Variants in ZFR observed in about 807,000 individuals in gnomAD.
The protein encoded by ZFR is zinc finger RNA binding protein.
Under a neutral mutation model 130.7 loss-of-function variants are expected in ZFR, and 19 were observed. The observed-to-expected ratio is 0.15, with a 90% CI of 0.10 to 0.21. ZFR has a LOEUF of 0.21. Ranked by LOEUF, ZFR falls within the 10% of genes least tolerant of loss-of-function variation. The pLI is 1.00. For missense variants in ZFR, 872 were observed against 1,321.5 expected, an observed-to-expected ratio of 0.66 and a Z score of 5.27; for synonymous variants, 466 against 456.9, an observed-to-expected ratio of 1.02 and a Z score of -0.25.
intron 5 of ZFR, among the ~76,000 whole-genome samples, chr5:32,410,141 C>G (rs1032895663): frequency 4.0e-5 from 6 of 151,758 alleles, no homozygotes; most frequent in Non-Finnish European, 7.4e-5. Flanking sequence ...CCCATCTCAA[C>G]TAAAAATACA....
chr5:32,376,617 G>GA (rs1377234747), intron 17 of ZFR, among the ~76,000 whole-genome samples: 214 of 134,412 alleles, frequency 1.6e-3, no homozygotes, highest in African/African-American at 3.4e-3. Flanking sequence ...CAAAAAAAAA[G>GA]AAAAAAAAAA....
intron 2 of ZFR, among the ~76,000 whole-genome samples, chr5:32,435,830 C>G (rs758277826): frequency 2.0e-5 from 3 of 152,074 alleles, no homozygotes; most frequent in Non-Finnish European, 2.9e-5. Flanking sequence ...TACTTTAAGC[C>G]CATGTGACCT....
chr5:32,363,846 G>C (rs902241386), intron 19 of ZFR, 102 bp downstream of exon 19: 1 of 959,786 alleles, frequency 1.0e-6, no homozygotes, highest in African/African-American at 1.7e-5. Context: ...GCAGAAGAAC[G>C]AATATTATAT....
At chr5:32,444,167 C>T in intron 2 of ZFR, 62 bp downstream of exon 2, 1 of 1,541,518 alleles carries the variant, frequency 6.5e-7, no homozygotes, top group Non-Finnish European at 8.7e-7. Context: ...GGCGTCGCAT[C>T]GACAGGATCC....
intron 11 of ZFR, among the ~76,000 whole-genome samples, chr5:32,391,259 A>C (rs1325550570): frequency 6.6e-6 from 1 of 152,190 alleles, no homozygotes; most frequent in Non-Finnish European, 1.5e-5. Flanking sequence ...TATCAGATGG[A>C]AAACATATAG....
At chr5:32,390,520 T>G in intron 11 of ZFR, 83 bp from the exon 12 acceptor site, 1 of 1,347,420 alleles carries the variant, frequency 7.4e-7, no homozygotes, top group Non-Finnish European at 9.9e-7. Context: ...TAAAAAGCAA[T>G]AAAAAACCCC....
intron 7 of ZFR, among the ~76,000 whole-genome samples, 163 bp from the exon 8 acceptor site, chr5:32,403,560 A>C (rs1753515642): frequency 6.6e-6 from 1 of 152,182 alleles, no homozygotes; most frequent in Non-Finnish European, 1.5e-5. Context: ...CATTACTTTC[A>C]AGATAATCTC....
chr5:32,434,650 G>A (rs1754295677), intron 2 of ZFR, among the ~76,000 whole-genome samples: 1 of 152,158 alleles, frequency 6.6e-6, no homozygotes, highest in Non-Finnish European at 1.5e-5. Flanking sequence ...GGGAATACGT[G>A]ATAGAGGAAA....
At chr5:32,368,238 CT>C (rs1398688284) in intron 17 of ZFR, among the ~76,000 whole-genome samples, 25 of 1,166 alleles carry the variant, frequency 0.021, no homozygotes, top group African/African-American at 0.038. Flanking sequence ...TGCATCAAAA[CT>C]TTTTTCCCCC....
intron 5 of ZFR, among the ~76,000 whole-genome samples, chr5:32,408,954 G>A (rs1311359301): frequency 6.6e-6 from 1 of 152,142 alleles, no homozygotes; most frequent in Non-Finnish European, 1.5e-5. Flanking sequence ...GGTTTTCCAC[G>A]CATTTTAGCT....
At chr5:32,421,266 C>A (rs1054277970) in intron 2 of ZFR, among the ~76,000 whole-genome samples, 3 of 152,034 alleles carry the variant, frequency 2.0e-5, no homozygotes, top group Admixed American at 6.5e-5. Context: ...TAGGTTTTAG[C>A]TGACCACATT....
At chr5:32,402,323 C>G (rs116692242) in intron 8 of ZFR, among the ~76,000 whole-genome samples, 1,658 of 152,190 alleles carry the variant, frequency 0.011, 27 homozygotes, top group African/African-American at 0.039. Context: ...TCAACTGTGT[C>G]AAGTATTAGG....
At chr5:32,424,627 T>C (rs906455921) in intron 2 of ZFR, among the ~76,000 whole-genome samples, 1 of 151,844 alleles carries the variant, frequency 6.6e-6, no homozygotes, top group African/African-American at 2.4e-5. Flanking sequence ...AAAGACTTTA[T>C]AGGTGAGCAA....
chr5:32,416,911 TTTC>T (rs1468083988), intron 4 of ZFR, among the ~76,000 whole-genome samples: 2 of 22,534 alleles, frequency 8.9e-5, no homozygotes, highest in Non-Finnish European at 2.7e-4. Context: ...GCCCATTTTT[TTTC>T]TTTTTTTTTT....
rs1306890724 is a variant in ZFR, at chr5:32,390,335, T to G, written c.2082A>C (p.Pro694=). ...MPDGGYPHGP[P]GPLGLLGVRP... ...GGACTCCCAGAAGGCCTAATGGGCC[T>G]GGAGGACCATGAGGATAACCTCCAT... Residue 694 remains proline (P), a synonymous_variant, in exon 12 of 20, where the codon CCA becomes CCC. Coordinates refer to ENST00000265069, the MANE Select transcript of ZFR (RefSeq NM_016107.5). 3 of 1,614,210 alleles carry G rather than the reference T, an allele frequency of 1.9e-6. No homozygotes were observed. The highest frequency in any genetic ancestry group is 2.2e-5 in the South Asian group (2 of 91,090).
intron 17 of ZFR, among the ~76,000 whole-genome samples, chr5:32,372,007 G>C (rs1752677587): frequency 1.3e-5 from 2 of 152,174 alleles, no homozygotes; most frequent in South Asian, 4.1e-4. Flanking sequence ...AAAGACAAAA[G>C]CTCTAGGAGT....
At chr5:32,437,031 T>C (rs550701760) in intron 2 of ZFR, among the ~76,000 whole-genome samples, 42 of 152,352 alleles carry the variant, frequency 2.8e-4, no homozygotes, top group Non-Finnish European at 5.0e-4. Context: ...AGGAGCCAGA[T>C]TCAGCTTAGG....
chr5:32,362,457 C>CT (rs1347846226), intron 19 of ZFR, among the ~76,000 whole-genome samples: 1 of 152,164 alleles, frequency 6.6e-6, no homozygotes, highest in Non-Finnish European at 1.5e-5. Flanking sequence ...CACCGAAAAA[C>CT]TAACCGAAAT....
intron 4 of ZFR, among the ~76,000 whole-genome samples, chr5:32,415,515 T>TGTGCGC (rs1326041688): frequency 2.9e-4 from 28 of 97,988 alleles, no homozygotes; most frequent in African/African-American, 1.2e-3. Flanking sequence ...TGTGTGTGTG[T>TGTGCGC]GCGCGCGCGC....
Sources: gnomAD v4.1 joint callset for allele counts (sites outside exome capture counted in the v4.1 genomes callset) on GRCh38, gnomAD v4.1.1 for gene constraint, MANE v1.5 for transcripts, NCBI Gene and HGNC (gene_info 2026-07-23, HGNC 2026-07-21) for gene names.